The following CABIN1 variants were observed in gnomAD, a reference collection of about 807,000 sequenced individuals.
CABIN1 encodes the protein calcineurin-binding protein cabin-1.
CABIN1 carries 133 observed loss-of-function variants against 227.7 expected under a neutral mutation model. The observed-to-expected ratio is 0.58, with a 90% CI of 0.51 to 0.67. CABIN1 has a LOEUF of 0.67. CABIN1 is among the 30% of genes least tolerant of loss of function. The pLI is 0.00. For missense variants in CABIN1, 2,408 were observed against 2,852.5 expected (o/e 0.84, Z 3.55); for synonymous variants, 1,086 against 1,155.1 (o/e 0.94, Z 1.21).
intron 26 of CABIN1, chr22:24,103,285 G>A (rs2042321615): frequency 1.3e-5 from 2 of 152,254 alleles, no homozygotes; most frequent in East Asian, 1.9e-4. Flanking sequence ...ACCTCCAGCA[G>A]GTGGCCCAGT....
chr22:24,033,598 C>A (rs2036651845), intron 1 of CABIN1, among the ~76,000 whole-genome samples: 1 of 152,182 alleles, frequency 6.6e-6, no homozygotes, highest in Non-Finnish European at 1.5e-5. Flanking sequence ...CTCCTCCTGC[C>A]CTCCCTGACG....
In CABIN1 at chr22:24,056,165, A is replaced by G. The variant is rs555915248; in HGVS notation, c.1094-27A>G. The stretch of plus-strand genomic sequence containing the variant: ...TTTTTTTCATCCCTGCCACCGTGTA[A>G]GATTTTAATTTGCATTCTTTGTGAA... On this transcript the variant is annotated intron_variant, in intron 9 of 36. Coordinates refer to ENST00000263119, the MANE Select transcript of CABIN1 (RefSeq NM_012295.4). The G allele has an allele frequency of 5.5e-5, 88 of 1,610,182 alleles. 1 individual carries two copies. The South Asian group carries it at 9.1e-4, about 17-fold the overall frequency.
At position 24,156,183 on chromosome 22, in the gene CABIN1, C is replaced by A. The variant is rs538539842; in HGVS notation, c.4747-8217C>A. 42 of 391,344 alleles carry A rather than the reference C, an allele frequency of 1.1e-4. 1 individual carries two copies. Among genetic ancestry groups the A allele is most frequent in the African/African-American group, 8.5e-4 (41 of 48,306 alleles). The allele number at this position is 391,344 out of a possible 1,614,324, so 24.2% of individuals were successfully genotyped here. A position where few individuals can be genotyped will look rare whatever the true frequency, so the allele number is the denominator to read the frequency against. On this transcript the variant is annotated intron_variant, in intron 29 of 36. Coordinates refer to ENST00000263119, the MANE Select transcript of CABIN1 (RefSeq NM_012295.4). ...GCTGCCCGTCTGGGTCTCCACTTTG[C>A]TGGCGCTTTTGCTCAATCGTCCCCT...
In CABIN1 at chr22:24,119,616, G is replaced by T. The variant is rs757821693; in HGVS notation, c.4550G>T (p.Arg1517Leu). 2 of 1,613,724 alleles carry T rather than the reference G, an allele frequency of 1.2e-6. No individual in the cohort carries two copies. Among genetic ancestry groups the T allele is most frequent in the Admixed American group, 1.7e-5 (1 of 60,016 alleles). The change falls in exon 28 of 37, where the codon CGC becomes CTC. Residue 1517 changes from arginine (R) to leucine (L), a missense_variant. By Grantham distance (102) the Arg-to-Leu change is moderately radical. Coordinates refer to ENST00000263119, the MANE Select transcript of CABIN1 (RefSeq NM_012295.4). Reference sequence around the variant, plus strand: ...ACAGAGCAGTGCATCGCCTCCTTCCGCCTGTGCCTGAGCCGCTTCCCCCAG... The same window carrying T: ...ACAGAGCAGTGCATCGCCTCCTTCCTCCTGTGCCTGAGCCGCTTCCCCCAG... Reference protein sequence around the residue: ...FLTEQCIASFRLCLSRFPQHY... With the variant: ...FLTEQCIASFLLCLSRFPQHY...
intron 1 of CABIN1, among the ~76,000 whole-genome samples, chr22:24,034,416 G>A (rs1343033200): frequency 6.6e-6 from 1 of 152,196 alleles, no homozygotes; most frequent in Non-Finnish European, 1.5e-5. Flanking sequence ...CTTCTGTGTT[G>A]TAGCATGTAT....
In CABIN1 at chr22:24,064,147, T is replaced by G; in HGVS notation, c.1997T>G (p.Leu666Arg). The G allele has an allele frequency of 6.2e-7, 1 of 1,614,232 alleles. No homozygotes were observed. Among genetic ancestry groups the G allele is most frequent in the Non-Finnish European group, 8.5e-7 (1 of 1,180,044 alleles). ...GAACGAAGAGACATTGTCATCCGGC[T>G]GCCCAACCTCCATAATGACTCTGTG... ...GAERRDIVIR[L>R]PNLHNDSVVS... The change falls in exon 15 of 37, where the codon CTG (leucine) becomes CGG (arginine). Residue 666 changes from leucine (L) to arginine (R), a missense_variant. Coordinates refer to ENST00000263119, the MANE Select transcript of CABIN1 (RefSeq NM_012295.4).
At chr22:24,041,355 A>G (rs375207710) in intron 5 of CABIN1, 82 bp downstream of exon 5, 12 of 1,567,194 alleles carry the variant, frequency 7.7e-6, no homozygotes, top group African/African-American at 2.7e-5. Flanking sequence ...TTGTGGGCCA[A>G]AAAGAAGAGT....
intron 27 of CABIN1, 143 bp from the exon 28 acceptor site, chr22:24,119,224 C>A: frequency 1.3e-6 from 1 of 754,456 alleles, no homozygotes; most frequent in Non-Finnish European, 2.3e-6. Context: ...CCTCCTGCTG[C>A]TGGGTCCAGC....
At chr22:24,062,934 GA>G in intron 13 of CABIN1, 24 bp from the exon 14 acceptor site, 1 of 1,611,394 alleles carries the variant, frequency 6.2e-7, no homozygotes. Context: ...ACATGAAGTT[GA>G]CTCGTTGGCC....
At chr22:24,042,648 A>G (rs2037467275) in intron 5 of CABIN1, among the ~76,000 whole-genome samples, 3 of 152,292 alleles carry the variant, frequency 2.0e-5, no homozygotes, top group African/African-American at 7.2e-5. Context: ...TTTATATGCC[A>G]TTATCACTCT....
rs745759224 is a variant in CABIN1 at position 24,067,106 on chromosome 22, T to C, written c.2157T>C (p.Ser719=). ...VHLLRPTLCT[S]GFDRAKHLEF... ...TGCTCCGCCCCACTTTGTGCACCAG[T>C]GGGTTTGACCGGGCCAAACACCTGG... Residue 719 remains serine (S), a synonymous_variant, in exon 16 of 37, where the codon AGT becomes AGC. Coordinates refer to ENST00000263119, the MANE Select transcript of CABIN1 (RefSeq NM_012295.4). 1 of 1,614,242 alleles carries C rather than the reference T, an allele frequency of 6.2e-7. No homozygotes were observed. Among genetic ancestry groups the C allele is most frequent in the Non-Finnish European group, 8.5e-7 (1 of 1,180,040 alleles).
At chr22:24,099,957 G>C (rs1266540117) in intron 26 of CABIN1, among the ~76,000 whole-genome samples, 2 of 152,250 alleles carry the variant, frequency 1.3e-5, no homozygotes, top group Non-Finnish European at 2.9e-5. Flanking sequence ...GATGCCAGCT[G>C]TCCCATGTTG....
At chr22:24,092,206 T>G (rs1027616813) in intron 24 of CABIN1, among the ~76,000 whole-genome samples, 1 of 152,124 alleles carries the variant, frequency 6.6e-6, no homozygotes, top group African/African-American at 2.4e-5. Context: ...GCAGGCACCA[T>G]TGCCTCCAGG....
chr22:24,134,718 A>G (rs974593154), intron 29 of CABIN1, among the ~76,000 whole-genome samples: 1 of 152,250 alleles, frequency 6.6e-6, no homozygotes, highest in Non-Finnish European at 1.5e-5. Context: ...GTACAGGCCC[A>G]GGTTTCCTCC....
chr22:24,049,309 C>G, intron 7 of CABIN1, 89 bp downstream of exon 7: 2 of 1,503,754 alleles, frequency 1.3e-6, no homozygotes, highest in East Asian at 2.3e-5. Flanking sequence ...CCCTCAGGTC[C>G]CATGGATGGA....
chr22:24,136,880 T>C (rs1290165146), intron 29 of CABIN1, among the ~76,000 whole-genome samples: 1 of 152,284 alleles, frequency 6.6e-6, no homozygotes, highest in South Asian at 2.1e-4. Context: ...GGATTATTGG[T>C]CCTTTTCCTA....
chr22:24,021,601 G>A (rs544223649), intron 1 of CABIN1, among the ~76,000 whole-genome samples: 2 of 152,228 alleles, frequency 1.3e-5, no homozygotes, highest in Admixed American at 6.5e-5. Flanking sequence ...TACTTGGTGC[G>A]TGATCTGTCT....
At chr22:24,142,634 C>T (rs1378423992) in intron 29 of CABIN1, among the ~76,000 whole-genome samples, 1 of 152,196 alleles carries the variant, frequency 6.6e-6, no homozygotes, top group Non-Finnish European at 1.5e-5. Flanking sequence ...AGGCGCCAGC[C>T]CCAGGTTCAG....
intron 18 of CABIN1, 148 bp from the exon 19 acceptor site, chr22:24,076,020 CA>C (rs71226739): frequency 0.24 from 120,995 of 508,354 alleles, 100 homozygotes; most frequent in South Asian, 0.26. Context: ...TTTAAAAAGG[CA>C]AAAAAAAAAA....
Sources: allele counts gnomAD v4.1 joint callset (sites outside exome capture counted in the v4.1 genomes callset), GRCh38; gene constraint gnomAD v4.1.1; transcripts MANE v1.5; gene names NCBI Gene and HGNC (gene_info 2026-07-23, HGNC 2026-07-21).